Variants in ABHD5 observed in about 807,000 individuals in gnomAD.
The protein encoded by ABHD5 is abhydrolase domain containing 5, lysophosphatidic acid acyltransferase, also known as 1-acylglycerol-3-phosphate O-acyltransferase ABHD5.
A neutral mutation model predicts 44.9 loss-of-function variants in ABHD5; 30 were observed. The observed-to-expected ratio is 0.67, with a 90% CI of 0.50 to 0.91. ABHD5 has a LOEUF of 0.91. ABHD5 is among the 40% of genes least tolerant of loss of function. The pLI is 0.00. For synonymous variants in ABHD5, 167 were observed against 147.0 expected (o/e 1.14, Z -0.99); for missense variants, 399 against 423.4 (o/e 0.94, Z 0.50).
At chr3:43,730,260 G>C (rs949141032) in intron 7 of ABHD5, among the ~76,000 whole-genome samples, 3 of 152,196 alleles carry the variant, frequency 2.0e-5, no homozygotes, top group African/African-American at 7.2e-5. Context: ...GGTGTTGGCT[G>C]CCAACTAGTT....
At chr3:43,695,523 T>G (rs2084463069) in intron 1 of ABHD5, among the ~76,000 whole-genome samples, 1 of 152,198 alleles carries the variant, frequency 6.6e-6, no homozygotes, top group Non-Finnish European at 1.5e-5. Flanking sequence ...ACTTATAACC[T>G]AATTAGAAAT....
intron 4 of ABHD5, among the ~76,000 whole-genome samples, chr3:43,712,343 T>C (rs1048918760): frequency 4.6e-5 from 7 of 152,210 alleles, no homozygotes; most frequent in African/African-American, 1.7e-4. Flanking sequence ...TCTTCCCTTA[T>C]CCATGTCAGA....
chr3:43,709,122 G>T (rs1277262495), intron 3 of ABHD5, among the ~76,000 whole-genome samples: 3 of 152,142 alleles, frequency 2.0e-5, no homozygotes, highest in African/African-American at 7.2e-5. Flanking sequence ...AATAGACTAG[G>T]ACTAAAAGAA....
intron 7 of ABHD5, among the ~76,000 whole-genome samples, chr3:43,728,498 A>G (rs1343745114): frequency 1.3e-5 from 2 of 152,202 alleles, no homozygotes; most frequent in South Asian, 2.1e-4. Context: ...TGTTCCTGAT[A>G]TGCTTCCTCC....
At chr3:43,698,253 T>C (rs2084497780) in intron 1 of ABHD5, among the ~76,000 whole-genome samples, 1 of 152,214 alleles carries the variant, frequency 6.6e-6, no homozygotes, top group African/African-American at 2.4e-5. Flanking sequence ...CCAACCTGTT[T>C]TCCTTTTAAA....
At chr3:43,702,106 A>T in intron 2 of ABHD5, 109 bp from the exon 3 acceptor site, 1 of 941,884 alleles carries the variant, frequency 1.1e-6, no homozygotes, top group Admixed American at 2.8e-5. Context: ...ACAAGCTAAA[A>T]TCATGAGATT....
rs765313072 is a variant in ABHD5 at position 43,711,767 on chromosome 3, G to A, written c.565G>A (p.Asp189Asn). ...TTTCCCTGAACGACCAGACCTTGCT[G>A]ATCAAGACAGACCAATTCCAGTTTG... Reference protein sequence around the residue: ...WGFPERPDLADQDRPIPVWIR... With the variant: ...WGFPERPDLANQDRPIPVWIR... The change falls in exon 4 of 7, where the codon GAT becomes AAT. Residue 189 changes from aspartate to asparagine, a missense_variant. By Grantham distance (23) the Asp-to-Asn change is conservative. Coordinates refer to ENST00000644371, the MANE Select transcript of ABHD5 (RefSeq NM_016006.6). 3 of 1,614,180 alleles carry A rather than the reference G, an allele frequency of 1.9e-6. No homozygotes were observed. Among genetic ancestry groups the A allele is most frequent in the South Asian group, 1.1e-5 (1 of 91,086 alleles).
intron 3 of ABHD5, among the ~76,000 whole-genome samples, chr3:43,704,879 A>G (rs1340099087): frequency 6.6e-6 from 1 of 152,226 alleles, no homozygotes; most frequent in African/African-American, 2.4e-5. Flanking sequence ...TGGATATGAG[A>G]ATGCTTGAAA....
rs528182279 is a variant in ABHD5, at chr3:43,721,872, T to A, written c.*3340T>A. The A allele has an allele frequency of 3.0e-4, 45 of 152,254 alleles. No individual in the cohort carries two copies. Among genetic ancestry groups the A allele is most frequent in the African/African-American group, 9.6e-4 (40 of 41,546 alleles). 9.4% of individuals were successfully genotyped at this position (152,254 alleles called of 1,614,324 possible). A position where few individuals can be genotyped will look rare whatever the true frequency, so the allele number is the denominator to read the frequency against. The stretch of plus-strand genomic sequence containing the variant: ...CAAATGGTCTTTAAACATACAAGGA[T>A]ATGCATAAAAAGACAAATGCAAAAT... On this transcript the variant is annotated 3_prime_UTR_variant, in exon 7 of 7. Coordinates refer to ENST00000644371, the MANE Select transcript of ABHD5 (RefSeq NM_016006.6).
chr3:43,726,099 C>T (rs1483323030), downstream of ABHD5, among the ~76,000 whole-genome samples: 1 of 152,086 alleles, frequency 6.6e-6, no homozygotes, highest in African/African-American at 2.4e-5. Flanking sequence ...CTCCTGACCT[C>T]GTGATCCGGC....
intron 1 of ABHD5, among the ~76,000 whole-genome samples, chr3:43,695,615 T>C (rs1302770110): frequency 6.6e-6 from 1 of 152,236 alleles, no homozygotes; most frequent in Non-Finnish European, 1.5e-5. Flanking sequence ...TTTCACTGTT[T>C]CATAATGTTT....
intron 7 of ABHD5, among the ~76,000 whole-genome samples, chr3:43,731,621 C>T (rs559974258): frequency 4.6e-5 from 7 of 152,166 alleles, no homozygotes; most frequent in Non-Finnish European, 8.8e-5. Flanking sequence ...CACCTGAGGT[C>T]GGGAGTTCAC....
At chr3:43,714,623 C>T (rs749013985) in intron 4 of ABHD5, among the ~76,000 whole-genome samples, 7 of 152,146 alleles carry the variant, frequency 4.6e-5, no homozygotes, top group African/African-American at 1.4e-4. Context: ...TTAATTTTTA[C>T]GTACGAGCTA....
chr3:43,726,934 G>GT (rs1278046242), downstream of ABHD5, among the ~76,000 whole-genome samples: 6 of 152,294 alleles, frequency 3.9e-5, no homozygotes, highest in African/African-American at 1.4e-4. Context: ...TTTGGTTGGA[G>GT]TTTAACTACA....
intron 4 of ABHD5, 93 bp downstream of exon 4, chr3:43,711,956 GA>G (rs1189503303): frequency 1.9e-6 from 3 of 1,552,000 alleles, no homozygotes; most frequent in Non-Finnish European, 2.7e-6. Flanking sequence ...AAACAAACAA[GA>G]AAACCCTGAA....
At chr3:43,699,158 G>A in intron 1 of ABHD5, 118 bp from the exon 2 acceptor site, 1 of 863,662 alleles carries the variant, frequency 1.2e-6, no homozygotes, top group Admixed American at 1.9e-5. Context: ...GTCACACATA[G>A]CTTTACCATC....
In ABHD5 at chr3:43,722,467, A is replaced by AAAACAAATATTTACTTGTGTCATT. The variant is rs2084848104; in HGVS notation, c.*3935_*3936insAAACAAATATTTACTTGTGTCATT. On this transcript the variant is annotated 3_prime_UTR_variant, in exon 7 of 7. Coordinates refer to ENST00000644371, the MANE Select transcript of ABHD5 (RefSeq NM_016006.6). ...AAATGATCTCCTTGTTAGTGGTGGT[A>AAAACAAATATTTACTTGTGTCATT]GGGAGCTAGACAAGGATGGCAACTA... The AAAACAAATATTTACTTGTGTCATT allele has an allele frequency of 6.6e-6, 1 of 152,234 alleles. No individual in the cohort carries two copies. The highest frequency in any genetic ancestry group is 2.1e-4 in the South Asian group (1 of 4,836). 9.4% of individuals were successfully genotyped at this position (152,234 alleles called of 1,614,324 possible).
intron 1 of ABHD5, among the ~76,000 whole-genome samples, chr3:43,697,159 T>C (rs1204182230): frequency 6.6e-6 from 1 of 152,218 alleles, no homozygotes; most frequent in African/African-American, 2.4e-5. Flanking sequence ...CAGGCTGGTA[T>C]GTAACTTTTT....
rs2149607934 is a variant in ABHD5, at chr3:43,719,939, T to A, written c.*1407T>A. ...GGTTAATTAGGGAATTTGTAGTTGT[T>A]AGGAAATGTAAGGTTGTGTCACTGT... On this transcript the variant is annotated 3_prime_UTR_variant, in exon 7 of 7. Coordinates refer to ENST00000644371, the MANE Select transcript of ABHD5 (RefSeq NM_016006.6). 1 of 152,318 alleles carries A rather than the reference T, an allele frequency of 6.6e-6. No homozygotes were observed. Among genetic ancestry groups the A allele is most frequent in the South Asian group, 2.1e-4 (1 of 4,828 alleles). 9.4% of individuals were successfully genotyped at this position (152,318 alleles called of 1,614,324 possible).
Sources: allele counts gnomAD v4.1 joint callset (sites outside exome capture counted in the v4.1 genomes callset), GRCh38; gene constraint gnomAD v4.1.1; transcripts MANE v1.5; gene names NCBI Gene and HGNC (gene_info 2026-07-23, HGNC 2026-07-21).